DLGAP2: variants seen among roughly 807,000 people sequenced by gnomAD.
The protein encoded by DLGAP2 is disks large-associated protein 2.
A neutral mutation model predicts 100.3 loss-of-function variants in DLGAP2; 26 were observed. The observed-to-expected ratio is 0.26, with a 90% confidence interval of 0.19 to 0.36. The LOEUF is 0.36. DLGAP2 is among the 10% of genes least tolerant of loss of function. The probability of loss-of-function intolerance (pLI) is 1.00; values close to 1 mark genes in which losing one functional copy is unlikely to be tolerated. For missense variants in DLGAP2, 1,858 were observed against 1,453.2 expected (o/e 1.28, Z -4.53); for synonymous variants, 886 against 630.1 (o/e 1.41, Z -6.08).
At chr8:1,282,017 A>T (rs1394789786) in intron 3 of DLGAP2, among the ~76,000 whole-genome samples, 2 of 147,378 alleles carry the variant, frequency 1.4e-5, no homozygotes, top group African/African-American at 2.7e-5. Context: ...ACATGGTGTG[A>T]CCTGAACCCA....
intron 3 of DLGAP2, among the ~76,000 whole-genome samples, chr8:1,315,715 G>A (rs1585251504): frequency 2.0e-5 from 1 of 50,882 alleles, no homozygotes; most frequent in Non-Finnish European, 3.4e-5. Context: ...GAGCCTGTAC[G>A]AGTGCAGCGT....
intron 1 of DLGAP2, among the ~76,000 whole-genome samples, chr8:852,723 C>G (rs1257243220): frequency 2.0e-5 from 3 of 152,150 alleles, no homozygotes; most frequent in Non-Finnish European, 1.5e-5. Flanking sequence ...GGTAAAATAT[C>G]CACCCAAACC....
chr8:1,432,917 C>G (rs73172536), intron 3 of DLGAP2, among the ~76,000 whole-genome samples: 1 of 152,042 alleles, frequency 6.6e-6, no homozygotes, highest in East Asian at 1.9e-4. Context: ...CTGGGAATGG[C>G]GAGCATCGAG....
chr8:1,356,826 C>A (rs538204722), intron 3 of DLGAP2, among the ~76,000 whole-genome samples: 4 of 152,236 alleles, frequency 2.6e-5, no homozygotes, highest in South Asian at 2.1e-4. Context: ...CCGTTTGCCA[C>A]GATGTAACAC....
chr8:1,435,662 G>C (rs1797598744), intron 3 of DLGAP2, among the ~76,000 whole-genome samples: 1 of 151,694 alleles, frequency 6.6e-6, no homozygotes, highest in Non-Finnish European at 1.5e-5. Flanking sequence ...ACCATTATCT[G>C]TAAAGAGCCC....
intron 1 of DLGAP2, among the ~76,000 whole-genome samples, chr8:752,605 G>T (rs1820820194): frequency 6.6e-6 from 1 of 152,196 alleles, no homozygotes; most frequent in South Asian, 2.1e-4. Flanking sequence ...AGACAGCTCT[G>T]TCCTTGCTGA....
chr8:921,181 G>A (rs538584270), intron 2 of DLGAP2, among the ~76,000 whole-genome samples: 1 of 152,054 alleles, frequency 6.6e-6, no homozygotes, highest in Non-Finnish European at 1.5e-5. Flanking sequence ...TATAGTCCTA[G>A]GAATCTTTTT....
chr8:1,656,901 C>T (rs958620673), intron 8 of DLGAP2, among the ~76,000 whole-genome samples: 4 of 152,104 alleles, frequency 2.6e-5, no homozygotes, highest in African/African-American at 9.7e-5. Context: ...TTATGCGATC[C>T]CTGTGAAACA....
intron 3 of DLGAP2, among the ~76,000 whole-genome samples, chr8:1,387,487 G>A (rs751451481): frequency 6.6e-6 from 1 of 152,198 alleles, no homozygotes; most frequent in Admixed American, 6.5e-5. Flanking sequence ...CTGAGGGGCA[G>A]TTTGCAGAAC....
intron 2 of DLGAP2, among the ~76,000 whole-genome samples, chr8:1,075,920 A>T (rs1354520502): frequency 6.6e-6 from 1 of 151,988 alleles, no homozygotes; most frequent in Non-Finnish European, 1.5e-5. Context: ...AAAAACAAAA[A>T]AAAAGAAAAA....
intron 2 of DLGAP2, among the ~76,000 whole-genome samples, chr8:935,636 A>G (rs149517295): frequency 6.6e-6 from 1 of 152,188 alleles, no homozygotes; most frequent in East Asian, 1.9e-4. Context: ...TCCATGTTTC[A>G]GGGCCGGGTG....
chr8:777,870 G>C (rs945976897), intron 1 of DLGAP2, among the ~76,000 whole-genome samples: 3 of 152,124 alleles, frequency 2.0e-5, no homozygotes, highest in Non-Finnish European at 1.5e-5. Flanking sequence ...TGGCGTCTCT[G>C]TGTTTCCTGA....
chr8:1,524,609 G>A (rs550722511), intron 4 of DLGAP2, among the ~76,000 whole-genome samples: 17 of 152,108 alleles, frequency 1.1e-4, no homozygotes, highest in African/African-American at 2.2e-4. Context: ...TCATCCCTCC[G>A]TGCGTTTTTG....
At chr8:972,572 A>G (rs2129012466) in intron 2 of DLGAP2, among the ~76,000 whole-genome samples, 1 of 152,322 alleles carries the variant, frequency 6.6e-6, no homozygotes, top group South Asian at 2.1e-4. Context: ...GGAACTTCCA[A>G]ACTGAAAAGC....
chr8:1,608,276 GCACACTGA>G (rs1796883905), intron 6 of DLGAP2, among the ~76,000 whole-genome samples: 1 of 115,940 alleles, frequency 8.6e-6, no homozygotes, highest in African/African-American at 2.9e-5. Flanking sequence ...CCCAGCAGGG[GCACACTGA>G]CACCTCACAC....
intron 4 of DLGAP2, among the ~76,000 whole-genome samples, chr8:1,502,945 G>A (rs1404865268): frequency 2.0e-5 from 3 of 152,080 alleles, no homozygotes; most frequent in African/African-American, 7.2e-5. Flanking sequence ...GGCTGGAGCA[G>A]GGGGCACAGA....
chr8:1,118,200 A>G (rs990482513), intron 2 of DLGAP2, among the ~76,000 whole-genome samples: 7 of 152,204 alleles, frequency 4.6e-5, no homozygotes, highest in Admixed American at 2.0e-4. Flanking sequence ...CACTTTAAAT[A>G]GGCCATGTCT....
intron 4 of DLGAP2, among the ~76,000 whole-genome samples, chr8:1,531,975 A>G (rs192189010): frequency 6.6e-6 from 1 of 152,218 alleles, no homozygotes; most frequent in Non-Finnish European, 1.5e-5. Flanking sequence ...TTAGGGAGAC[A>G]TGAGACATTA....
chr8:1,647,914 G>T (rs533665468), intron 8 of DLGAP2, among the ~76,000 whole-genome samples: 4 of 152,090 alleles, frequency 2.6e-5, no homozygotes, highest in African/African-American at 7.2e-5. Flanking sequence ...TGGAAAAAGC[G>T]TAAGGAAGTT....
Sources: allele counts gnomAD v4.1 joint callset (sites outside exome capture counted in the v4.1 genomes callset), GRCh38; gene constraint gnomAD v4.1.1; transcripts MANE v1.5; gene names NCBI Gene and HGNC (gene_info 2026-07-23, HGNC 2026-07-21).